The following SMG6 variants were observed in gnomAD, a reference collection of about 807,000 sequenced individuals.
The protein encoded by SMG6 is telomerase-binding protein EST1A.
In SMG6, 66 loss-of-function variants were observed where a neutral mutation model predicts 142.2. The ratio of observed to expected loss-of-function variants is 0.46; its 90% CI spans 0.38 to 0.57. The LOEUF is 0.57. Ranked by LOEUF, SMG6 falls within the 20% of genes least tolerant of loss-of-function variation. The pLI, the probability that SMG6 is intolerant of heterozygous loss-of-function variation, is 0.00. For missense variants in SMG6, 1,793 were observed against 1,832.0 expected (o/e 0.98, Z 0.39); for synonymous variants, 779 against 702.4 (o/e 1.11, Z -1.72).
In SMG6 at chr17:2,299,796, TCTC is replaced by T. The variant is rs1364762821; in HGVS notation, c.954_956del (p.Arg319del). The T allele has an allele frequency of 6.2e-7, 1 of 1,614,196 alleles. No individual in the cohort carries two copies. The highest frequency in any genetic ancestry group is 1.1e-5 in the South Asian group (1 of 91,086). On this transcript the variant is annotated inframe_deletion, in exon 2 of 19. Transcript: ENST00000263073. This position sits in a 1 kb window ranked among gnomAD's most constrained non-coding sequence, Gnocchi z 4.3. The stretch of plus-strand genomic sequence containing the variant: ...CTAAATGTCTCTTCCTTTCTGAACT[TCTC>T]CTGGGTCCTAATCCATCAGGCTCAT...
chr17:2,100,513 T>C (rs569114928), intron 13 of SMG6, among the ~76,000 whole-genome samples: 1 of 152,316 alleles, frequency 6.6e-6, no homozygotes, highest in South Asian at 2.1e-4. Context: ...TCCTTGGCTA[T>C]GGATTCCACT....
chr17:2,165,407 C>T (rs888718045), intron 13 of SMG6, among the ~76,000 whole-genome samples: 4 of 152,232 alleles, frequency 2.6e-5, no homozygotes, highest in Admixed American at 2.6e-4. Context: ...TGGTCCCCTT[C>T]CCACTCCCTT....
chr17:2,123,509 C>A (rs191076583), intron 13 of SMG6, among the ~76,000 whole-genome samples: 92 of 152,276 alleles, frequency 6.0e-4, no homozygotes, highest in African/African-American at 2.1e-3. Context: ...AACCCCAATC[C>A]CTAACTGATG....
chr17:2,200,857 G>A (rs1597586570), intron 10 of SMG6, among the ~76,000 whole-genome samples: 1 of 152,048 alleles, frequency 6.6e-6, no homozygotes. Flanking sequence ...TCAAATTCCT[G>A]AACTCAAGTG....
At chr17:2,074,648 C>T (rs796975300) in intron 15 of SMG6, among the ~76,000 whole-genome samples, 6 of 152,348 alleles carry the variant, frequency 3.9e-5, no homozygotes, top group African/African-American at 1.4e-4. Context: ...CTGTCAAGTG[C>T]TCAAGGAGAA....
intron 13 of SMG6, among the ~76,000 whole-genome samples, chr17:2,111,369 T>A (rs1278652897): frequency 2.6e-5 from 4 of 152,114 alleles, no homozygotes; most frequent in Admixed American, 2.6e-4. Context: ...TTGATCAGAC[T>A]TGAAGGTGCA....
chr17:2,123,697 C>G lies in SMG6; in HGVS notation c.3358-37796G>C, dbSNP rs186080902. Among the ~76,000 whole-genome samples the G allele has an allele frequency of 3.2e-4, 48 of 152,308 alleles. No individual in the cohort carries two copies. The East Asian group carries it at 8.9e-3, about 28-fold the overall frequency. ...GAGAATGGAGATGGCACAACAAAGG[C>G]TCTTTGCTCTGAAATAGCACCGAAG... On this transcript the variant is annotated intron_variant, in intron 13 of 18. Coordinates refer to ENST00000263073, the MANE Select transcript of SMG6 (RefSeq NM_017575.5).
At chr17:2,184,960 CAAAA>C (rs58230459) in intron 12 of SMG6, among the ~76,000 whole-genome samples, 6 of 22,474 alleles carry the variant, frequency 2.7e-4, no homozygotes, top group African/African-American at 1.2e-3. Flanking sequence ...GACTCCATCT[CAAAA>C]AAAAAAAAAA....
At chr17:2,151,633 G>C (rs1567639839) in intron 13 of SMG6, among the ~76,000 whole-genome samples, 2 of 152,238 alleles carry the variant, frequency 1.3e-5, no homozygotes, top group African/African-American at 4.8e-5. Flanking sequence ...TGTCTAGTCA[G>C]TGGCAAATGC....
At chr17:2,241,582 C>A (rs1446300672) in intron 9 of SMG6, among the ~76,000 whole-genome samples, 1 of 152,132 alleles carries the variant, frequency 6.6e-6, no homozygotes, top group African/African-American at 2.4e-5. Flanking sequence ...GAGATGGGGT[C>A]TTCTGCCTAT....
intron 1 of SMG6, among the ~76,000 whole-genome samples, chr17:2,301,852 A>C (rs1442448232): frequency 6.6e-6 from 1 of 152,190 alleles, no homozygotes; most frequent in African/African-American, 2.4e-5. Context: ...CTGGTTTTTT[A>C]AAAAAGTATC....
intron 8 of SMG6, among the ~76,000 whole-genome samples, chr17:2,281,978 T>G (rs1298082885): frequency 6.6e-6 from 1 of 152,254 alleles, no homozygotes; most frequent in Non-Finnish European, 1.5e-5. Flanking sequence ...GTCCCATGGC[T>G]ATGTGCTCTC....
At chr17:2,220,385 C>T (rs980905189) in intron 10 of SMG6, among the ~76,000 whole-genome samples, 1 of 152,170 alleles carries the variant, frequency 6.6e-6, no homozygotes, top group East Asian at 1.9e-4. Context: ...AATCCCAAGA[C>T]TTTGGGAGGC....
At chr17:2,128,078 G>A (rs1046735919) in intron 13 of SMG6, among the ~76,000 whole-genome samples, 2 of 152,204 alleles carry the variant, frequency 1.3e-5, no homozygotes, top group East Asian at 1.9e-4. Context: ...GCAGACTCCT[G>A]CAGGAAGTGA....
At chr17:2,226,395 A>C (rs1429246863) in intron 10 of SMG6, among the ~76,000 whole-genome samples, 1 of 151,450 alleles carries the variant, frequency 6.6e-6, no homozygotes, top group Non-Finnish European at 1.5e-5. Context: ...TCTGGCCAAC[A>C]CAGTGAAACC....
chr17:2,297,581 C>T (rs927373419), intron 3 of SMG6, among the ~76,000 whole-genome samples: 2 of 152,060 alleles, frequency 1.3e-5, no homozygotes, highest in South Asian at 4.2e-4. Flanking sequence ...CACACACACA[C>T]ACACACGCTC....
At chr17:2,173,252 C>A in intron 12 of SMG6, 1 of 246,436 alleles carries the variant, frequency 4.1e-6, no homozygotes, top group South Asian at 5.7e-5. Context: ...CAAGTACATG[C>A]CACACAGACA....
chr17:2,144,601 T>C (rs1429484336), intron 13 of SMG6, among the ~76,000 whole-genome samples: 1 of 152,110 alleles, frequency 6.6e-6, no homozygotes, highest in Admixed American at 6.6e-5. Context: ...CATGGAACTG[T>C]ATCCACGGGA....
At chr17:2,265,281 A>G (rs2074396630) in intron 8 of SMG6, among the ~76,000 whole-genome samples, 1 of 152,162 alleles carries the variant, frequency 6.6e-6, no homozygotes, top group African/African-American at 2.4e-5. Flanking sequence ...GCACTTTGGG[A>G]GGCTGACCAC....
Sources: gnomAD v4.1 joint callset for allele counts (sites outside exome capture counted in the v4.1 genomes callset) on GRCh38, gnomAD v4.1.1 for gene constraint, Gnocchi (gnomAD v3.1) non-coding constraint, MANE v1.5 for transcripts, NCBI Gene and HGNC (gene_info 2026-07-23, HGNC 2026-07-21) for gene names.